The following PAPPA2 variants were observed in gnomAD, a reference collection of about 807,000 sequenced individuals.
The protein encoded by PAPPA2 is pappalysin-2.
PAPPA2 carries 86 observed loss-of-function variants against 176.4 expected under a neutral mutation model. The ratio of observed to expected loss-of-function variants is 0.49; its 90% CI spans 0.41 to 0.58. PAPPA2 has a LOEUF of 0.58. PAPPA2 is among the 20% of genes least tolerant of loss of function. PAPPA2 has a pLI of 0.00. For missense variants in PAPPA2, 2,073 were observed against 2,256.9 expected, an observed-to-expected ratio of 0.92 and a Z score of 1.65; for synonymous variants, 809 against 852.2, an observed-to-expected ratio of 0.95 and a Z score of 0.88.
intron 3 of PAPPA2, among the ~76,000 whole-genome samples, chr1:176,654,267 G>T (rs1393984908): frequency 6.6e-6 from 1 of 151,442 alleles, no homozygotes; most frequent in African/African-American, 2.4e-5. Flanking sequence ...TCATTCTTCT[G>T]CATATGGCAA....
rs899279158 is a variant in PAPPA2, at chr1:176,633,848, A to G, written c.1992-37122A>G. 5.3e-5 allele frequency among the ~76,000 whole-genome samples: 8 copies of G among 152,242 alleles called. 1 individual carries two copies. Among genetic ancestry groups the G allele is most frequent in the African/African-American group, 9.6e-5 (4 of 41,464 alleles). Reference sequence around the variant, plus strand: ...CCAACAGACACATGAAAAAATGCTCATCATCACTGGCCATCAGAGAAATGC... The same window carrying G: ...CCAACAGACACATGAAAAAATGCTCGTCATCACTGGCCATCAGAGAAATGC... On this transcript the variant is annotated intron_variant, in intron 3 of 22. Transcript: ENST00000367662.
chr1:176,496,136 C>T (rs1179667503), intron 1 of PAPPA2, among the ~76,000 whole-genome samples: 2 of 152,088 alleles, frequency 1.3e-5, no homozygotes, highest in South Asian at 2.1e-4. Context: ...TACATGTGCA[C>T]AACGTGCAGG....
At chr1:176,688,306 G>A (rs1254712885) in intron 4 of PAPPA2, among the ~76,000 whole-genome samples, 1 of 152,208 alleles carries the variant, frequency 6.6e-6, no homozygotes, top group Non-Finnish European at 1.5e-5. Flanking sequence ...CCACTGATGT[G>A]AAGGTTGATA....
At chr1:176,544,803 CT>C (rs2102571502) in intron 1 of PAPPA2, among the ~76,000 whole-genome samples, 1 of 152,308 alleles carries the variant, frequency 6.6e-6, no homozygotes, top group South Asian at 2.1e-4. Flanking sequence ...AAACCTCCCT[CT>C]TTAGGTTCAA....
chr1:176,604,094 C>T (rs921068481), intron 3 of PAPPA2, among the ~76,000 whole-genome samples: 4 of 152,114 alleles, frequency 2.6e-5, no homozygotes, highest in African/African-American at 9.7e-5. Flanking sequence ...TTTCACTTTT[C>T]TGGAATATTC....
At chr1:176,464,661 G>C (rs1331198954) in intron 1 of PAPPA2, among the ~76,000 whole-genome samples, 5 of 152,170 alleles carry the variant, frequency 3.3e-5, no homozygotes, top group South Asian at 2.1e-4. Context: ...CTTTGCTTAG[G>C]AAATACCCCA....
At chr1:176,714,717 A>G (rs1036889506) in intron 12 of PAPPA2, among the ~76,000 whole-genome samples, 6 of 152,216 alleles carry the variant, frequency 3.9e-5, no homozygotes, top group African/African-American at 1.4e-4. Context: ...CTTGATTATA[A>G]TAAGTCTTTT....
In PAPPA2 at chr1:176,740,175, G is replaced by C. The variant is rs1662611954; in HGVS notation, c.4130G>C (p.Gly1377Ala). ...AGTAACTGCATCTCAGAGGACGAGG[G>C]GCAGAATCATCAGGGACAGAGGTAC... ...APSNCISEDEGQNHQGQSCIH... is the reference protein window; with the variant it reads ...APSNCISEDEAQNHQGQSCIH... Residue 1377 changes from glycine to alanine, a missense_variant, in exon 14 of 23, where the codon GGG (glycine) becomes GCG (alanine). This residue lies in a region of PAPPA2 where 846 missense variants were observed against 857.9 expected (regional missense o/e 0.99). Coordinates refer to ENST00000367662, the MANE Select transcript of PAPPA2 (RefSeq NM_020318.3). 1 of 1,613,534 alleles carries C rather than the reference G, an allele frequency of 6.2e-7. No individual in the cohort carries two copies. The highest frequency in any genetic ancestry group is 1.7e-5 in the Admixed American group (1 of 59,914).
intron 14 of PAPPA2, among the ~76,000 whole-genome samples, chr1:176,747,697 C>T (rs915712636): frequency 2.6e-5 from 4 of 152,136 alleles, no homozygotes; most frequent in African/African-American, 7.2e-5. Flanking sequence ...TACAACAATG[C>T]TTATTTATAA....
chr1:176,753,678 G>A (rs1036438021), intron 14 of PAPPA2, among the ~76,000 whole-genome samples: 6 of 146,874 alleles, frequency 4.1e-5, no homozygotes, highest in Non-Finnish European at 7.4e-5. Flanking sequence ...GATGGGAAAT[G>A]TTCTCTCTTG....
At chr1:176,714,456 G>A (rs1252695031) in intron 12 of PAPPA2, among the ~76,000 whole-genome samples, 2 of 150,540 alleles carry the variant, frequency 1.3e-5, no homozygotes, top group Admixed American at 1.3e-4. Context: ...CAAAATGGAA[G>A]GGCCCCTATC....
At chr1:176,553,255 G>C (rs1417907672) in intron 1 of PAPPA2, among the ~76,000 whole-genome samples, 1 of 142,236 alleles carries the variant, frequency 7.0e-6, no homozygotes, top group Non-Finnish European at 1.5e-5. Flanking sequence ...GTAAGGCAGG[G>C]AGGGGGAAGA....
chr1:176,839,386 G>T (rs1331124274), intron 21 of PAPPA2, among the ~76,000 whole-genome samples: 1 of 152,162 alleles, frequency 6.6e-6, no homozygotes, highest in Non-Finnish European at 1.5e-5. Flanking sequence ...CTCTGGTTTG[G>T]CCTGGACGCC....
chr1:176,755,462 G>C (rs1242851140), intron 14 of PAPPA2, among the ~76,000 whole-genome samples: 3 of 152,178 alleles, frequency 2.0e-5, no homozygotes, highest in Admixed American at 6.5e-5. Flanking sequence ...TCATCACGGG[G>C]CTGTATTGTT....
chr1:176,551,512 C>T (rs537360280), intron 1 of PAPPA2, among the ~76,000 whole-genome samples: 11 of 152,264 alleles, frequency 7.2e-5, no homozygotes, highest in African/African-American at 9.6e-5. Flanking sequence ...GTCTTGCTCT[C>T]GCTCTCTCTC....
intron 12 of PAPPA2, among the ~76,000 whole-genome samples, chr1:176,722,991 T>G (rs1377807965): frequency 6.6e-6 from 1 of 152,214 alleles, no homozygotes; most frequent in African/African-American, 2.4e-5. Context: ...ATAAGTTTGT[T>G]TGGCTCATAG....
rs1219570503 is a variant in PAPPA2 at position 176,556,139 on chromosome 1, G to A, written c.-184G>A. The A allele has an allele frequency of 5.9e-6, 4 of 678,814 alleles. No homozygotes were observed. The African/African-American group carries it at 7.2e-5, about 12-fold the overall frequency. 42.0% of individuals were successfully genotyped at this position (678,814 alleles called of 1,614,324 possible). A position where few individuals can be genotyped will look rare whatever the true frequency, so the allele number is the denominator to read the frequency against. ...GAGGCATAGAAGCCACACTGGCAGAGCGGCCAGCACAGGTAGCCAGCAGAG... is the reference window on the plus strand; with the variant it reads ...GAGGCATAGAAGCCACACTGGCAGAACGGCCAGCACAGGTAGCCAGCAGAG... On this transcript the variant is annotated 5_prime_UTR_variant, in exon 2 of 23. Coordinates refer to ENST00000367662, the MANE Select transcript of PAPPA2 (RefSeq NM_020318.3).
intron 18 of PAPPA2, 100 bp downstream of exon 18, chr1:176,790,077 A>G: frequency 7.4e-7 from 1 of 1,359,310 alleles, no homozygotes; most frequent in South Asian, 1.3e-5. Flanking sequence ...GAATTCCAAC[A>G]GGCAGGGACT....
In PAPPA2 at chr1:176,611,544, G is replaced by T. The variant is rs1354663246; in HGVS notation, c.1991+15949G>T. ...CATCATCCCTAATTCTGTCATATTT[G>T]TACCTTTCTGTATGATCATTGACCC... is the stretch of plus-strand genomic sequence containing the variant. On this transcript the variant is annotated intron_variant, in intron 3 of 22. Transcript: ENST00000367662. Among the ~76,000 whole-genome samples, 5 of 152,168 alleles carry T rather than the reference G, an allele frequency of 3.3e-5. No homozygotes were observed. The East Asian group carries it at 7.7e-4, about 23-fold the overall frequency.
Sources: allele counts gnomAD v4.1 joint callset (sites outside exome capture counted in the v4.1 genomes callset), GRCh38; gene constraint gnomAD v4.1.1; regional missense constraint gnomAD v4.1.1; transcripts MANE v1.5; gene names NCBI Gene and HGNC (gene_info 2026-07-23, HGNC 2026-07-21).